Variants in PDXDC1 observed in about 807,000 individuals in gnomAD.
PDXDC1 encodes the protein pyridoxal dependent decarboxylase domain containing 1.
In PDXDC1, 42 loss-of-function variants were observed where a neutral mutation model predicts 100.1. The observed-to-expected ratio is 0.42, with a 90% CI of 0.33 to 0.54. PDXDC1 has a LOEUF of 0.54. Among genes scored for constraint, PDXDC1 ranks in the 20% least tolerant of loss-of-function variants. PDXDC1 has a pLI of 0.10. For missense variants in PDXDC1, 636 were observed against 979.2 expected (o/e 0.65, Z 4.68); for synonymous variants, 260 against 371.7 (o/e 0.70, Z 3.46).
In PDXDC1 at chr16:15,094,050, C is replaced by T. The variant is rs2046249702; in HGVS notation, c.1400-44829C>T. On this transcript the variant is annotated intron_variant, in intron 16 of 16. Coordinates refer to the PDXDC1 transcript ENST00000535621. ...TCCACCCCGTGCTCCTATCACACGC[C>T]ATGAGCTTTGTCCCACATCCTTTCA... is the stretch of plus-strand genomic sequence containing the variant. 3.6e-6 allele frequency: 4 copies of T among 1,125,436 alleles called. No individual in the cohort carries two copies. In the Admixed American group the frequency reaches 8.1e-5, roughly 23 times the overall value. The allele number at this position is 1,125,436 out of a possible 1,614,324, so 69.7% of individuals were successfully genotyped here.
intron 16 of PDXDC1, chr16:15,070,060 C>T: frequency 6.8e-7 from 1 of 1,472,554 alleles, no homozygotes; most frequent in Non-Finnish European, 9.4e-7. Flanking sequence ...AGCACTCCCA[C>T]AACACTGACC....
At chr16:15,080,353 TCATA>T (rs2045646697) in intron 16 of PDXDC1, among the ~76,000 whole-genome samples, 1 of 152,232 alleles carries the variant, frequency 6.6e-6, no homozygotes, top group Admixed American at 6.5e-5. Flanking sequence ...AACTCATATA[TCATA>T]CAATCACCAA....
At chr16:15,056,350 CTGGGGCGGGTTCT>C (rs1567779157) in intron 16 of PDXDC1, among the ~76,000 whole-genome samples, 2 of 152,242 alleles carry the variant, frequency 1.3e-5, no homozygotes, top group African/African-American at 4.8e-5. Flanking sequence ...GGGCGAGTTC[CTGGGGCGGGTTCT>C]GGCTCCGACT....
intron 16 of PDXDC1, among the ~76,000 whole-genome samples, chr16:15,079,094 G>GCCACCACGCCCGGCCTCCTCTT (rs1426633942): frequency 3.3e-5 from 5 of 152,118 alleles, no homozygotes; most frequent in Non-Finnish European, 7.4e-5. Context: ...ACATGCGTGA[G>GCCACCACGCCCGGCCTCCTCTT]CCACCACGCC....
At chr16:15,050,330 G>T (rs776027055) in intron 16 of PDXDC1, among the ~76,000 whole-genome samples, 1 of 152,150 alleles carries the variant, frequency 6.6e-6, no homozygotes, top group African/African-American at 2.4e-5. Context: ...TCTAGACAAC[G>T]TATGTATGTA....
At chr16:15,148,432 G>A in the PDXDC1 span, among the ~76,000 whole-genome samples, 1 of 129,628 alleles carries the variant, frequency 7.7e-6, no homozygotes. Context: ...GACCCAGCCT[G>A]GAGTGCAGTG....
At chr16:15,083,202 C>A (rs1030004998) in intron 16 of PDXDC1, among the ~76,000 whole-genome samples, 2 of 152,228 alleles carry the variant, frequency 1.3e-5, no homozygotes, top group African/African-American at 4.8e-5. Flanking sequence ...CGTTCGATAC[C>A]AGTGTGGCCA....
At chr16:15,085,596 G>T in intron 16 of PDXDC1, 1 of 1,600,210 alleles carries the variant, frequency 6.2e-7, no homozygotes, top group Non-Finnish European at 8.5e-7. Flanking sequence ...GGGATTATGG[G>T]TGAAAGCTAC....
chr16:15,091,297 A>G, intron 16 of PDXDC1: 12 of 1,603,460 alleles, frequency 7.5e-6, no homozygotes, highest in Non-Finnish European at 1.0e-5. Context: ...GCTAATGATC[A>G]AACACAAAAT....
intron 16 of PDXDC1, among the ~76,000 whole-genome samples, chr16:15,048,287 G>C (rs1224590099): frequency 2.0e-5 from 3 of 152,204 alleles, no homozygotes; most frequent in Admixed American, 1.3e-4. Flanking sequence ...CAGAGAAAAC[G>C]ATGCGGTTCT....
intron 16 of PDXDC1, chr16:15,127,424 C>A (rs2047797410): frequency 6.7e-7 from 1 of 1,482,078 alleles, no homozygotes; most frequent in Non-Finnish European, 9.1e-7. Context: ...GGTGCCGAGG[C>A]CCAGGCTCCA....
chr16:15,080,179 C>T (rs1340009127), intron 16 of PDXDC1: 5 of 1,467,592 alleles, frequency 3.4e-6, no homozygotes, highest in Non-Finnish European at 4.5e-6. Flanking sequence ...AATTACATGA[C>T]CTTTAGTTTC....
chr16:15,145,398 C>T, the PDXDC1 span, among the ~76,000 whole-genome samples: 7 of 152,256 alleles, frequency 4.6e-5, no homozygotes, highest in African/African-American at 1.7e-4. Flanking sequence ...ACAGCTGTGA[C>T]GTTCCCTGGG....
chr16:15,125,620 G>A (rs1184281765), intron 16 of PDXDC1: 9 of 1,173,724 alleles, frequency 7.7e-6, no homozygotes, highest in Non-Finnish European at 1.0e-5. Flanking sequence ...GGTGCACAGT[G>A]TCTGGAGTCC....
At position 15,018,932 on chromosome 16, in the gene PDXDC1, G is replaced by T. The variant is rs2041983280; in HGVS notation, c.1056G>T (p.Gly352=). The change falls in exon 12 of 23, where the codon GGG becomes GGT. Residue 352 remains glycine (G), a synonymous_variant. Transcript: ENST00000396410. The part of the protein sequence containing the change: ...WLSLQYLGLD[G]FVERIKHACQ... ...CTTTACAATACTTGGGACTTGATGG[G>T]TTTGTGGAGAGGATCAAGCATGCCT... The T allele has an allele frequency of 6.2e-7, 1 of 1,609,618 alleles. No individual in the cohort carries two copies. The highest frequency in any genetic ancestry group is 1.1e-5 in the South Asian group (1 of 90,782).
chr16:15,133,633 G>A (rs2048212260), intron 16 of PDXDC1: 2 of 1,315,416 alleles, frequency 1.5e-6, no homozygotes, highest in South Asian at 1.2e-5. Context: ...CCTCGCAGTG[G>A]CCCTGGCGAC....
At chr16:15,097,934 T>C (rs1404050206) in intron 16 of PDXDC1, among the ~76,000 whole-genome samples, 1 of 142,246 alleles carries the variant, frequency 7.0e-6, no homozygotes, top group Non-Finnish European at 1.5e-5. Context: ...TTTTCAACAT[T>C]ATGCTTTTTT....
chr16:15,005,510 C>G (rs1033663665), intron 5 of PDXDC1, among the ~76,000 whole-genome samples: 4 of 152,254 alleles, frequency 2.6e-5, no homozygotes, highest in Non-Finnish European at 5.9e-5. Context: ...AGACATTTAT[C>G]TTGAGAGACC....
chr16:15,079,020 C>T lies in PDXDC1; in HGVS notation c.1399+48964C>T, dbSNP rs566590391. Among the ~76,000 whole-genome samples the T allele has an allele frequency of 1.1e-4, 17 of 152,224 alleles. No homozygotes were observed. In the East Asian group the frequency reaches 1.2e-3, roughly 10 times the overall value. Reference sequence around the variant, plus strand: ...TGAGACAGAGTTTCACCATGTTAGCCAGGATGGTCTCGATCTCCTGACCTC... The same window carrying T: ...TGAGACAGAGTTTCACCATGTTAGCTAGGATGGTCTCGATCTCCTGACCTC... On this transcript the variant is annotated intron_variant, in intron 16 of 16. Transcript: ENST00000535621.
Sources: gnomAD v4.1 joint callset for allele counts (sites outside exome capture counted in the v4.1 genomes callset) on GRCh38, gnomAD v4.1.1 for gene constraint, MANE v1.5 for transcripts, NCBI Gene and HGNC (gene_info 2026-07-23, HGNC 2026-07-21) for gene names.